Variants in NEB observed in about 807,000 individuals in gnomAD.
The protein encoded by NEB is nemaline myopathy type 2.
A neutral mutation model predicts 952.2 loss-of-function variants in NEB; 512 were observed. The observed-to-expected ratio is 0.54, with a 90% CI of 0.50 to 0.58. The LOEUF (loss-of-function observed/expected upper bound fraction) is 0.58, where lower values mean the gene tolerates loss of function less well. NEB is among the 20% of genes least tolerant of loss of function. The pLI, the probability that NEB is intolerant of heterozygous loss-of-function variation, is 0.00. For missense variants in NEB, 8,428 were observed against 9,231.1 expected, an observed-to-expected ratio of 0.91 and a Z score of 3.56; for synonymous variants, 2,900 against 3,149.8, an observed-to-expected ratio of 0.92 and a Z score of 2.66.
In NEB at chr2:151,561,203, C is replaced by CG; in HGVS notation, c.19101+4dup. ...TCCCTGGAAGAGGAGTACAGGAAGACGCACCTCACTGGCATTAATGCCACT... is the reference window on the plus strand; with the variant it reads ...TCCCTGGAAGAGGAGTACAGGAAGACGGCACCTCACTGGCATTAATGCCACT... On this transcript the variant is annotated splice_donor_region_variant and intron_variant, in intron 122 of 181. Transcript: ENST00000397345. 1 of 1,600,986 alleles carries CG rather than the reference C, an allele frequency of 6.2e-7. No homozygotes were observed. The highest frequency in any genetic ancestry group is 8.5e-7 in the Non-Finnish European group (1 of 1,171,618).
chr2:151,660,670 C>A (rs999530978), intron 46 of NEB, among the ~76,000 whole-genome samples: 5 of 152,152 alleles, frequency 3.3e-5, no homozygotes, highest in African/African-American at 1.2e-4. Context: ...GTGGGCTAAA[C>A]AATTGCTGTC....
rs938318907 is a variant in NEB, at chr2:151,583,825, T to C, written c.15664-59A>G. On this transcript the variant is annotated intron_variant, in intron 100 of 181. Coordinates refer to ENST00000397345, the MANE Select transcript of NEB (RefSeq NM_001164508.2). ...ATGAAAATAATGTATTAAGAGGGGT[T>C]TTCTAATTTAAATGGTTTCAGTATG... 10 of 432,112 alleles carry C rather than the reference T, an allele frequency of 2.3e-5. 1 individual carries two copies. Among genetic ancestry groups the C allele is most frequent in the South Asian group, 5.0e-5 (2 of 39,894 alleles). The allele number at this position is 432,112 out of a possible 1,614,324, so 26.8% of individuals were successfully genotyped here.
Position 151,672,549 on chromosome 2 carries a change from G to T in NEB, c.4119C>A (p.Asn1373Lys), listed in dbSNP as rs377653217. The T allele has an allele frequency of 1.2e-6, 2 of 1,613,976 alleles. No individual in the cohort carries two copies. The highest frequency in any genetic ancestry group is 2.2e-5 in the East Asian group (1 of 44,888). ...GGTAGCTGGTTTTGGTGTTCTCATA[G>T]TTCTTCTTGTATTCACGATCAGACT... ...KLQSDREYKK[N>K]YENTKTSYHT... The change falls in exon 37 of 182, where the codon AAC becomes AAA. Residue 1373 changes from asparagine to lysine, a missense_variant. Physicochemically the swap from Asn to Lys is moderately conservative, Grantham distance 94 (BLOSUM62 0). Coordinates refer to ENST00000397345, the MANE Select transcript of NEB (RefSeq NM_001164508.2).
intron 142 of NEB, among the ~76,000 whole-genome samples, 191 bp from the exon 143 acceptor site, chr2:151,533,737 A>C (rs1184108418): frequency 6.6e-6 from 1 of 152,222 alleles, no homozygotes; most frequent in Non-Finnish European, 1.5e-5. Flanking sequence ...GCGGTTGGCC[A>C]TTCATAGTCC....
chr2:151,486,320 GA>G (rs1397646981), intron 181 of NEB: 1 of 168,348 alleles, frequency 5.9e-6, no homozygotes, highest in Non-Finnish European at 1.3e-5. Flanking sequence ...ACACATGCCA[GA>G]ATGGTGATGA....
intron 42 of NEB, 86 bp downstream of exon 42, chr2:151,665,247 T>A (rs1384262450): frequency 4.8e-6 from 6 of 1,261,968 alleles, no homozygotes; most frequent in Non-Finnish European, 6.8e-6. Flanking sequence ...AAAGAAACAC[T>A]GTAGGAGACG....
chr2:151,497,981 A>AAAC (rs781111369), intron 170 of NEB: 1 of 1,435,538 alleles, frequency 7.0e-7, no homozygotes, highest in Non-Finnish European at 9.1e-7. Context: ...GGTGCCTCCT[A>AAAC]AACAATCACA....
chr2:151,716,428 C>T lies in NEB; in HGVS notation c.822+988G>A, dbSNP rs6760683. Among the ~76,000 whole-genome samples, 218 of 152,242 alleles carry T rather than the reference C, an allele frequency of 1.4e-3. 1 individual carries two copies. Among genetic ancestry groups the T allele is most frequent in the African/African-American group, 4.7e-3 (194 of 41,562 alleles). ...CTGGGATTACAGGTGTGAGCCACCG[C>T]GCCTGGCCAATATCAAAACTTTCAA... On this transcript the variant is annotated intron_variant, in intron 10 of 181. Coordinates refer to ENST00000397345, the MANE Select transcript of NEB (RefSeq NM_001164508.2).
chr2:151,616,112 G>A lies in NEB; in HGVS notation c.11182-3C>T. On this transcript the variant is annotated splice_polypyrimidine_tract_variant and splice_region_variant and intron_variant, in intron 75 of 181. Coordinates refer to ENST00000397345, the MANE Select transcript of NEB (RefSeq NM_001164508.2). ...TCCAAAGCAAGTTTATAGAGTTTCT[G>A]TAGAAAAGAAAGTCATTACTCATTT... 6.2e-7 allele frequency: 1 copy of A among 1,600,796 alleles called. No homozygotes were observed. Among genetic ancestry groups the A allele is most frequent in the South Asian group, 1.1e-5 (1 of 89,774 alleles).
rs928702241 is a variant in NEB at position 151,581,405 on chromosome 2, A to C, written c.16284+78T>G. The C allele has an allele frequency of 2.7e-5, 11 of 401,082 alleles. No homozygotes were observed. The Admixed American group carries it at 6.2e-4, about 22-fold the overall frequency. 24.8% of individuals were successfully genotyped at this position (401,082 alleles called of 1,614,324 possible). A position where few individuals can be genotyped will look rare whatever the true frequency, so the allele number is the denominator to read the frequency against. ...ATGGGAAGAAAATGCCTTTTGACAAACTCTCTTTGGGGTGTATAATAAAAG... is the reference window on the plus strand; with the variant it reads ...ATGGGAAGAAAATGCCTTTTGACAACCTCTCTTTGGGGTGTATAATAAAAG... On this transcript the variant is annotated intron_variant, in intron 103 of 181. Coordinates refer to ENST00000397345, the MANE Select transcript of NEB (RefSeq NM_001164508.2).
At chr2:151,548,285 T>C in intron 131 of NEB, 23 bp downstream of exon 131, 2 of 1,554,764 alleles carry the variant, frequency 1.3e-6, no homozygotes, top group Middle Eastern at 1.7e-4. Context: ...AATATGTCTC[T>C]TGGAGAATCA....
At chr2:151,694,972 C>T (rs1207678758) in intron 18 of NEB, among the ~76,000 whole-genome samples, 3 of 152,096 alleles carry the variant, frequency 2.0e-5, no homozygotes, top group Non-Finnish European at 4.4e-5. Context: ...TTCATTTGAC[C>T]TTTAAGTTCT....
At position 151,631,221 on chromosome 2, in the gene NEB, C is replaced by G; in HGVS notation, c.9540G>C (p.Pro3180=). 1 of 1,613,874 alleles carries G rather than the reference C, an allele frequency of 6.2e-7. No individual in the cohort carries two copies. Among genetic ancestry groups the G allele is most frequent in the Non-Finnish European group, 8.5e-7 (1 of 1,179,864 alleles). Residue 3180 remains proline, a synonymous_variant, in exon 66 of 182, where the codon CCG becomes CCC. Coordinates refer to ENST00000397345, the MANE Select transcript of NEB (RefSeq NM_001164508.2). ...ILSDNIYRQP[P]DKLKFTSVTD... ...TCACACTGGTAAATTTCAGCTTGTC[C>G]GGAGGCTGGCGGTAGATGTTATCAC...
Position 151,560,993 on chromosome 2 carries a change from A to AG in NEB, c.19206+10_19206+11insC. ...GGCTCATATATAAGGGGGAAAAAAA[A>AG]CTCAACTCACACTGCTGTAAAGATT... On this transcript the variant is annotated intron_variant, in intron 123 of 181. Transcript: ENST00000397345. 2 of 1,559,284 alleles carry AG rather than the reference A, an allele frequency of 1.3e-6. No individual in the cohort carries two copies. The highest frequency in any genetic ancestry group is 1.8e-6 in the Non-Finnish European group (2 of 1,136,280).
rs781520817 is a variant in NEB at position 151,524,626 on chromosome 2, G to A, written c.22273-10C>T. On this transcript the variant is annotated splice_polypyrimidine_tract_variant and intron_variant, in intron 151 of 181. Coordinates refer to ENST00000397345, the MANE Select transcript of NEB (RefSeq NM_001164508.2). ...CTTTTCTGTAAGCGACCTTTATTGG[G>A]GAAGAAAATGTTTACTCAAGAGAGA... 101 of 1,343,088 alleles carry A rather than the reference G, an allele frequency of 7.5e-5. No homozygotes were observed. Among genetic ancestry groups the A allele is most frequent in the Non-Finnish European group, 9.9e-5 (93 of 941,950 alleles). 83.2% of individuals were successfully genotyped at this position (1,343,088 alleles called of 1,614,324 possible).
chr2:151,550,452 A>G (rs926045022), intron 129 of NEB, among the ~76,000 whole-genome samples: 3 of 152,012 alleles, frequency 2.0e-5, no homozygotes, highest in African/African-American at 7.2e-5. Context: ...AGCCAGGCAC[A>G]TGTTTGTATT....
chr2:151,659,243 C>A, intron 46 of NEB, 74 bp from the exon 47 acceptor site: 1 of 761,050 alleles, frequency 1.3e-6, no homozygotes, highest in Non-Finnish European at 2.2e-6. Flanking sequence ...TATCATTGTA[C>A]ATATATATCA....
chr2:151,526,244 GTTTCTC>G lies in NEB; in HGVS notation c.21958_21963del (p.Glu7320_Lys7321del). 1.9e-6 allele frequency: 3 copies of G among 1,611,784 alleles called. No individual in the cohort carries two copies. The highest frequency in any genetic ancestry group is 2.5e-6 in the Non-Finnish European group (3 of 1,178,712). ...TGGCAGGTTCCTCTTTCCTTGACAT[GTTTCTC>G]TTTGTATTTCAGCTTCAGGGGCAGG... On this transcript the variant is annotated inframe_deletion, in exon 149 of 182. Transcript: ENST00000397345.
At position 151,671,249 on chromosome 2, in the gene NEB, T is replaced by C; in HGVS notation, c.4300-20A>G. 3 of 1,576,602 alleles carry C rather than the reference T, an allele frequency of 1.9e-6. No individual in the cohort carries two copies. Among genetic ancestry groups the C allele is most frequent in the Non-Finnish European group, 2.6e-6 (3 of 1,148,510 alleles). ...CACATTCTGTAAAAGGGTAAGCTAA[T>C]ATGAGAAGATACCCTGGAGAATATT... On this transcript the variant is annotated intron_variant, in intron 37 of 181. Transcript: ENST00000397345.
Sources: gnomAD v4.1 joint callset for allele counts (sites outside exome capture counted in the v4.1 genomes callset) on GRCh38, gnomAD v4.1.1 for gene constraint, MANE v1.5 for transcripts, NCBI Gene and HGNC (gene_info 2026-07-23, HGNC 2026-07-21) for gene names.